The following GALNT18 variants were observed in gnomAD, a reference collection of about 807,000 sequenced individuals.
The protein encoded by GALNT18 is polypeptide N-acetylgalactosaminyltransferase 18.
A neutral mutation model predicts 69.5 loss-of-function variants in GALNT18; 44 were observed. The ratio of observed to expected loss-of-function variants is 0.63; its 90% CI spans 0.50 to 0.81. The LOEUF is 0.81. GALNT18 is among the 40% of genes least tolerant of loss of function. The pLI is 0.00. For missense variants in GALNT18, 715 were observed against 810.0 expected (o/e 0.88, Z 1.42); for synonymous variants, 364 against 318.2 (o/e 1.14, Z -1.53).
Position 11,538,020 on chromosome 11 carries a change from G to A in GALNT18, c.235+83339C>T, listed in dbSNP as rs1015009928. ...ACAATAATGATAACTACCAATTACC[G>A]AGCACTTACTACATGCCAGACACTG... On this transcript the variant is annotated intron_variant, in intron 1 of 10. Coordinates refer to ENST00000227756, the MANE Select transcript of GALNT18 (RefSeq NM_198516.3). This position sits in a 1 kb window ranked among gnomAD's most constrained non-coding sequence, Gnocchi z 5.2. 6.6e-5 allele frequency among the ~76,000 whole-genome samples: 10 copies of A among 152,056 alleles called. No individual in the cohort carries two copies. Among genetic ancestry groups the A allele is most frequent in the East Asian group, 3.9e-4 (2 of 5,190 alleles).
chr11:11,281,181 T>C (rs1849066944), intron 10 of GALNT18, among the ~76,000 whole-genome samples: 1 of 152,136 alleles, frequency 6.6e-6, no homozygotes, highest in South Asian at 2.1e-4. Flanking sequence ...TCTGTTGGCG[T>C]TTCCGGAGCC....
In GALNT18 at chr11:11,315,841, C is replaced by G. The variant is rs1429655541; in HGVS notation, c.1512+11245G>C. On this transcript the variant is annotated intron_variant, in intron 9 of 10. Coordinates refer to ENST00000227756, the MANE Select transcript of GALNT18 (RefSeq NM_198516.3). The surrounding 1 kb of genome is among the most constrained non-coding windows in gnomAD (Gnocchi z 5.6). Reference sequence around the variant, plus strand: ...TCCACACTCTTTCTACCACATTGCACATCCACCACTACCCTGCACCCCCTC... The same window carrying G: ...TCCACACTCTTTCTACCACATTGCAGATCCACCACTACCCTGCACCCCCTC... 3.9e-5 allele frequency among the ~76,000 whole-genome samples: 6 copies of G among 152,238 alleles called. No homozygotes were observed. In the East Asian group the frequency reaches 5.8e-4, roughly 15 times the overall value.
rs1855381050 is a variant in GALNT18, at chr11:11,435,610, C to T, written c.429-2823G>A. On this transcript the variant is annotated intron_variant, in intron 2 of 10. Coordinates refer to ENST00000227756, the MANE Select transcript of GALNT18 (RefSeq NM_198516.3). The surrounding 1 kb of genome is among the most constrained non-coding windows in gnomAD (Gnocchi z 4.4). ...GAACTTTGCTTTTGGACTGTGCTGT[C>T]TCCCAACCTTGGACCACAGTCTGGC... Among the ~76,000 whole-genome samples the T allele has an allele frequency of 6.6e-6, 1 of 152,178 alleles. No individual in the cohort carries two copies. Among genetic ancestry groups the T allele is most frequent in the South Asian group, 2.1e-4 (1 of 4,820 alleles).
intron 1 of GALNT18, among the ~76,000 whole-genome samples, chr11:11,458,606 G>A (rs1855972702): frequency 6.6e-6 from 1 of 152,194 alleles, no homozygotes; most frequent in Admixed American, 6.5e-5. Context: ...GAGAAGCCCA[G>A]ACCATGTTTG....
chr11:11,574,254 T>C (rs1232044856), intron 1 of GALNT18, among the ~76,000 whole-genome samples: 1 of 152,182 alleles, frequency 6.6e-6, no homozygotes, highest in Non-Finnish European at 1.5e-5. Context: ...CTACACTTTA[T>C]AGATGGCACT....
chr11:11,514,940 T>C (rs4077732), intron 1 of GALNT18, among the ~76,000 whole-genome samples: 106,763 of 152,046 alleles, frequency 0.7, 37,809 homozygotes, highest in East Asian at 0.87. Flanking sequence ...AGAGACAATT[T>C]AGCCATGGGA....
In GALNT18 at chr11:11,620,752, C is replaced by G. The variant is rs1860172614; in HGVS notation, c.235+607G>C. Among the ~76,000 whole-genome samples, 1 of 152,116 alleles carries G rather than the reference C, an allele frequency of 6.6e-6. No individual in the cohort carries two copies. Among genetic ancestry groups the G allele is most frequent in the South Asian group, 2.1e-4 (1 of 4,834 alleles). Reference sequence around the variant, plus strand: ...CGGGCTGTGGTGGGGGTAGGGACTGCTATAGGTTCAAGCGGCTTTTCAACC... The same window carrying G: ...CGGGCTGTGGTGGGGGTAGGGACTGGTATAGGTTCAAGCGGCTTTTCAACC... On this transcript the variant is annotated intron_variant, in intron 1 of 10. Coordinates refer to ENST00000227756, the MANE Select transcript of GALNT18 (RefSeq NM_198516.3). This position sits in a 1 kb window ranked among gnomAD's most constrained non-coding sequence, Gnocchi z 6.9.
rs1339676450 is a variant in GALNT18 at position 11,606,035 on chromosome 11, C to A, written c.235+15324G>T. On this transcript the variant is annotated intron_variant, in intron 1 of 10. Coordinates refer to ENST00000227756, the MANE Select transcript of GALNT18 (RefSeq NM_198516.3). The surrounding 1 kb of genome is among the most constrained non-coding windows in gnomAD (Gnocchi z 5.4). ...AGCGTTCCTGTCCCTGACCCAAAAGCATAGCATAGAACAGCCTCTCAGAAG... is the reference window on the plus strand; with the variant it reads ...AGCGTTCCTGTCCCTGACCCAAAAGAATAGCATAGAACAGCCTCTCAGAAG... Among the ~76,000 whole-genome samples, 1 of 152,204 alleles carries A rather than the reference C, an allele frequency of 6.6e-6. No homozygotes were observed. The highest frequency in any genetic ancestry group is 2.4e-5 in the African/African-American group (1 of 41,450).
Position 11,332,735 on chromosome 11 carries a change from G to T in GALNT18, c.1375C>A (p.Pro459Thr). ...ATGTCGGAGTACATCCTCATCTCTG[G>T]GTACACGCTGACCAGGTACCACCGG... ...TFRWYLVSVY[P>T]EMRMYSDIIA... The change falls in exon 8 of 11, where the codon CCA (proline) becomes ACA (threonine). Residue 459 changes from proline (P) to threonine (T), a missense_variant. Pro to Thr is a conservative substitution (Grantham distance 38). Coordinates refer to ENST00000227756, the MANE Select transcript of GALNT18 (RefSeq NM_198516.3). This position sits in a 1 kb window ranked among gnomAD's most constrained non-coding sequence, Gnocchi z 4.3. 1 of 1,614,060 alleles carries T rather than the reference G, an allele frequency of 6.2e-7. No homozygotes were observed.
intron 10 of GALNT18, among the ~76,000 whole-genome samples, chr11:11,288,264 A>C (rs184836498): frequency 1.3e-3 from 198 of 152,232 alleles, no homozygotes; most frequent in African/African-American, 4.2e-3. Flanking sequence ...AAAAACTCTA[A>C]ATTCTGCACA....
intron 9 of GALNT18, among the ~76,000 whole-genome samples, chr11:11,304,094 A>G (rs978926012): frequency 6.6e-6 from 1 of 152,168 alleles, no homozygotes; most frequent in South Asian, 2.1e-4. Flanking sequence ...TAAAACCTGA[A>G]AAGGAAAAGA....
rs60707940 is a variant in GALNT18 at position 11,340,289 on chromosome 11, A to AACACGGT, written c.1278+529_1278+530insACCGTGT. On this transcript the variant is annotated intron_variant, in intron 7 of 10. Coordinates refer to ENST00000227756, the MANE Select transcript of GALNT18 (RefSeq NM_198516.3). The surrounding 1 kb of genome is among the most constrained non-coding windows in gnomAD (Gnocchi z 4.2). ...CAATGATGAGGCTCTGTGAAGGTTA[A>AACACGGT]CTCCATCTCCTAGTGAAGGTCCCTG... Among the ~76,000 whole-genome samples the AACACGGT allele has an allele frequency of 8.7e-3, 382 of 43,688 alleles. No individual in the cohort carries two copies. Among genetic ancestry groups the AACACGGT allele is most frequent in the African/African-American group, 0.055 (361 of 6,598 alleles). 28.7% of individuals were successfully genotyped at this position (43,688 alleles called of 152,430 possible).
chr11:11,385,509 A>C (rs188315399), intron 3 of GALNT18, among the ~76,000 whole-genome samples: 2 of 152,106 alleles, frequency 1.3e-5, no homozygotes, highest in East Asian at 3.9e-4. Context: ...GTTAGCCAGG[A>C]TGGTCTCGAT....
At chr11:11,333,175 G>T (rs1306922358) in intron 7 of GALNT18, among the ~76,000 whole-genome samples, 1 of 151,978 alleles carries the variant, frequency 6.6e-6, no homozygotes, top group Non-Finnish European at 1.5e-5. Context: ...ACCTCAAGAG[G>T]CAAGATGAGA....
rs1202462236 is a variant in GALNT18, at chr11:11,320,462, G to C, written c.1512+6624C>G. On this transcript the variant is annotated intron_variant, in intron 9 of 10. Transcript: ENST00000227756. This position sits in a 1 kb window ranked among gnomAD's most constrained non-coding sequence, Gnocchi z 4.9. ...TTGCTGAGAACTGCCAGTAGGAGGGGGTGACATCCCTGGAAATGCATGTTG... is the reference window on the plus strand; with the variant it reads ...TTGCTGAGAACTGCCAGTAGGAGGGCGTGACATCCCTGGAAATGCATGTTG... Among the ~76,000 whole-genome samples, 2 of 152,148 alleles carry C rather than the reference G, an allele frequency of 1.3e-5. No homozygotes were observed. Among genetic ancestry groups the C allele is most frequent in the Non-Finnish European group, 2.9e-5 (2 of 68,034 alleles).
At chr11:11,521,548 C>G (rs1011738653) in intron 1 of GALNT18, among the ~76,000 whole-genome samples, 1 of 152,168 alleles carries the variant, frequency 6.6e-6, no homozygotes, top group Non-Finnish European at 1.5e-5. Context: ...TCTGATTACA[C>G]CACGGAAGAA....
At chr11:11,437,339 CA>C (rs1039356700) in intron 2 of GALNT18, among the ~76,000 whole-genome samples, 3 of 152,038 alleles carry the variant, frequency 2.0e-5, no homozygotes, top group Non-Finnish European at 4.4e-5. Context: ...ATAAAAAAAA[CA>C]AGGCATTTCT....
Position 11,601,103 on chromosome 11 carries a change from C to T in GALNT18, c.235+20256G>A, listed in dbSNP as rs188906951. 6.6e-6 allele frequency among the ~76,000 whole-genome samples: 1 copy of T among 152,234 alleles called. No homozygotes were observed. Among genetic ancestry groups the T allele is most frequent in the East Asian group, 1.9e-4 (1 of 5,182 alleles). ...TCTTTGAACAAATATATAATAGCTA[C>T]TTTGCTGTCTTTTTCTGGTAAGTCT... On this transcript the variant is annotated intron_variant, in intron 1 of 10. Coordinates refer to ENST00000227756, the MANE Select transcript of GALNT18 (RefSeq NM_198516.3). The surrounding 1 kb of genome is among the most constrained non-coding windows in gnomAD (Gnocchi z 4.0).
rs529014302 is a variant in GALNT18 at position 11,568,350 on chromosome 11, T to A, written c.235+53009A>T. Among the ~76,000 whole-genome samples the A allele has an allele frequency of 1.2e-3, 177 of 152,110 alleles. 1 individual carries two copies. The highest frequency in any genetic ancestry group is 3.9e-3 in the African/African-American group (161 of 41,494). ...AGTTGGCCAGCTCTTTGCACCTATG[T>A]CCTGTGGCTCCTATCACCCACCTAA... On this transcript the variant is annotated intron_variant, in intron 1 of 10. Transcript: ENST00000227756.
Sources: gnomAD v4.1 joint callset for allele counts (sites outside exome capture counted in the v4.1 genomes callset) on GRCh38, gnomAD v4.1.1 for gene constraint, Gnocchi (gnomAD v3.1) non-coding constraint, MANE v1.5 for transcripts, NCBI Gene and HGNC (gene_info 2026-07-23, HGNC 2026-07-21) for gene names.